SLC4A4: variants seen among roughly 807,000 people sequenced by gnomAD.
The protein encoded by SLC4A4 is solute carrier family 4 member 4.
In SLC4A4, 27 loss-of-function variants were observed where a neutral mutation model predicts 111.5. The observed-to-expected ratio is 0.24, with a 90% CI of 0.18 to 0.33. SLC4A4 has a LOEUF of 0.33. Among genes scored for constraint, SLC4A4 ranks in the 10% least tolerant of loss-of-function variants. The probability of loss-of-function intolerance (pLI) is 1.00; values close to 1 mark genes in which losing one functional copy is unlikely to be tolerated. For missense variants in SLC4A4, 909 were observed against 1,315.5 expected (o/e 0.69, Z 4.78); for synonymous variants, 443 against 463.4 (o/e 0.96, Z 0.57).
intron 2 of SLC4A4, among the ~76,000 whole-genome samples, chr4:71,171,078 C>T (rs1744919700): frequency 6.6e-6 from 1 of 152,042 alleles, no homozygotes; most frequent in African/African-American, 2.4e-5. Flanking sequence ...ATGCTACTAA[C>T]TCCAAGCTAA....
intron 7 of SLC4A4, among the ~76,000 whole-genome samples, chr4:71,410,606 G>C (rs992787385): frequency 6.6e-6 from 1 of 152,172 alleles, no homozygotes; most frequent in Non-Finnish European, 1.5e-5. Context: ...CCTTGTCTCA[G>C]GTGAGACTTT....
At chr4:71,344,999 A>T (rs1473285767) in intron 4 of SLC4A4, among the ~76,000 whole-genome samples, 1 of 152,154 alleles carries the variant, frequency 6.6e-6, no homozygotes, top group Non-Finnish European at 1.5e-5. Context: ...GTATTTATTT[A>T]TATGAAGTTT....
At chr4:71,109,395 A>T (rs1743028688) in intron 2 of SLC4A4, among the ~76,000 whole-genome samples, 1 of 151,436 alleles carries the variant, frequency 6.6e-6, no homozygotes, top group Non-Finnish European at 1.5e-5. Context: ...CTTCAACCAA[A>T]GGGAGAGAGG....
At chr4:71,397,554 A>C in intron 6 of SLC4A4, 23 bp from the exon 7 acceptor site, 2 of 1,598,596 alleles carry the variant, frequency 1.3e-6, no homozygotes, top group Non-Finnish European at 1.7e-6. Flanking sequence ...GTCTTTAATT[A>C]GAGTTTACTT....
At position 71,440,733 on chromosome 4, in the gene SLC4A4, G is replaced by A. The variant is rs1177575402; in HGVS notation, c.925G>A (p.Val309Ile). Residue 309 changes from valine (V) to isoleucine (I), a missense_variant, in exon 8 of 26, where the codon GTC becomes ATC. Val to Ile is a conservative substitution (Grantham distance 29). This residue lies in a region of SLC4A4 where 312 missense variants were observed against 402.0 expected (regional missense o/e 0.78). Transcript: ENST00000264485. ...FIAFVRLQQA[V>I]MLGALTEVPV... ...TGCCTTTGTTAGGCTACAGCAGGCTGTCATGCTGGGTGCCCTGACTGAAGT... is the reference window on the plus strand; with the variant it reads ...TGCCTTTGTTAGGCTACAGCAGGCTATCATGCTGGGTGCCCTGACTGAAGT... 3.1e-6 allele frequency: 5 copies of A among 1,614,130 alleles called. No individual in the cohort carries two copies. Among genetic ancestry groups the A allele is most frequent in the Non-Finnish European group, 4.2e-6 (5 of 1,180,004 alleles).
At chr4:71,102,154 T>G (rs1742764659) in intron 2 of SLC4A4, among the ~76,000 whole-genome samples, 1 of 151,798 alleles carries the variant, frequency 6.6e-6, no homozygotes, top group African/African-American at 2.4e-5. Context: ...TGCGATCAAC[T>G]GGAAGAAAGG....
chr4:71,252,869 C>A (rs1415255992), intron 2 of SLC4A4, among the ~76,000 whole-genome samples: 1 of 152,144 alleles, frequency 6.6e-6, no homozygotes, highest in Non-Finnish European at 1.5e-5. Flanking sequence ...TTGACTGTAT[C>A]ATTAAAATGA....
intron 2 of SLC4A4, among the ~76,000 whole-genome samples, chr4:71,249,013 T>TATC (rs550757761): frequency 7.7e-4 from 118 of 152,298 alleles, no homozygotes; most frequent in Admixed American, 1.9e-3. Flanking sequence ...TCACTATTAT[T>TATC]ATCATCATCA....
intron 7 of SLC4A4, among the ~76,000 whole-genome samples, chr4:71,413,576 T>A (rs1304811147): frequency 1.3e-5 from 2 of 152,234 alleles, no homozygotes; most frequent in East Asian, 1.9e-4. Flanking sequence ...TTAAGCACTT[T>A]CCCTCAATGG....
At chr4:71,089,609 T>C (rs1050357076) in intron 1 of SLC4A4, among the ~76,000 whole-genome samples, 2 of 152,062 alleles carry the variant, frequency 1.3e-5, no homozygotes, top group Non-Finnish European at 2.9e-5. Context: ...TAGTTTTCCT[T>C]CTAACAGTCA....
intron 7 of SLC4A4, among the ~76,000 whole-genome samples, chr4:71,421,133 G>A (rs975179874): frequency 2.6e-5 from 4 of 151,110 alleles, no homozygotes; most frequent in African/African-American, 9.7e-5. Flanking sequence ...ATAAAAGGAT[G>A]GAGGAAGATC....
intron 16 of SLC4A4, among the ~76,000 whole-genome samples, chr4:71,530,372 G>T (rs529560850): frequency 6.6e-6 from 1 of 152,110 alleles, no homozygotes; most frequent in South Asian, 2.1e-4. Flanking sequence ...GATTATTTTG[G>T]CTATGTTTTG....
intron 2 of SLC4A4, among the ~76,000 whole-genome samples, chr4:71,092,916 G>GAACTGATGATCAGT (rs1742427048): frequency 6.6e-6 from 1 of 152,014 alleles, no homozygotes; most frequent in Non-Finnish European, 1.5e-5. Context: ...CCAACATGGT[G>GAACTGATGATCAGT]AAACCCCATC....
At chr4:71,111,501 C>G (rs537568368) in intron 2 of SLC4A4, among the ~76,000 whole-genome samples, 6 of 136,588 alleles carry the variant, frequency 4.4e-5, no homozygotes, top group Non-Finnish European at 9.2e-5. Flanking sequence ...AGCTGGATTA[C>G]AGGTGCCTGC....
At chr4:71,497,360 A>C (rs2149149645) in intron 15 of SLC4A4, 141 bp from the exon 16 acceptor site, 1 of 688,030 alleles carries the variant, frequency 1.5e-6, no homozygotes, top group Middle Eastern at 4.0e-4. Context: ...TGAACACCTC[A>C]TCAAGTTTCA....
At chr4:71,425,898 G>A (rs940796348) in intron 7 of SLC4A4, among the ~76,000 whole-genome samples, 1 of 152,010 alleles carries the variant, frequency 6.6e-6, no homozygotes, top group Non-Finnish European at 1.5e-5. Context: ...GATTATAAAT[G>A]TTTCTTAGCA....
At chr4:71,392,669 C>G (rs1404485415) in intron 6 of SLC4A4, among the ~76,000 whole-genome samples, 3 of 152,038 alleles carry the variant, frequency 2.0e-5, no homozygotes, top group Admixed American at 2.0e-4. Context: ...TTCTGTGAAG[C>G]CAGCGTCACC....
At chr4:71,098,666 G>A (rs967803244) in intron 2 of SLC4A4, among the ~76,000 whole-genome samples, 6 of 152,034 alleles carry the variant, frequency 3.9e-5, no homozygotes, top group African/African-American at 1.4e-4. Flanking sequence ...ATTGTGCATA[G>A]TGGCAAGCTA....
At chr4:71,308,854 G>A (rs142887810) in intron 3 of SLC4A4, among the ~76,000 whole-genome samples, 2 of 152,262 alleles carry the variant, frequency 1.3e-5, no homozygotes, top group East Asian at 3.9e-4. Context: ...AACCCCAGTG[G>A]TGCCTAGGAA....
Sources: allele counts gnomAD v4.1 joint callset (sites outside exome capture counted in the v4.1 genomes callset), GRCh38; gene constraint gnomAD v4.1.1; regional missense constraint gnomAD v4.1.1; transcripts MANE v1.5; gene names NCBI Gene and HGNC (gene_info 2026-07-23, HGNC 2026-07-21).